The following GATAD2B variants were observed in gnomAD, a reference collection of about 807,000 sequenced individuals.
GATAD2B encodes the protein GATA zinc finger domain containing 2B, also known as transcriptional repressor p66-beta.
GATAD2B carries 8 observed loss-of-function variants against 64.3 expected under a neutral mutation model. The ratio of observed to expected loss-of-function variants is 0.12; its 90% CI spans 0.07 to 0.22. GATAD2B has a LOEUF of 0.22. GATAD2B is among the 10% of genes least tolerant of loss of function. The probability of loss-of-function intolerance (pLI) is 1.00; values close to 1 mark genes in which losing one functional copy is unlikely to be tolerated. For missense variants in GATAD2B, 453 were observed against 752.0 expected (o/e 0.60, Z 4.65); for synonymous variants, 281 against 271.3 (o/e 1.04, Z -0.35).
At chr1:153,857,013 T>G (rs1676104483) in intron 1 of GATAD2B, among the ~76,000 whole-genome samples, 1 of 151,922 alleles carries the variant, frequency 6.6e-6, no homozygotes, top group Non-Finnish European at 1.5e-5. Context: ...CTATTTGCCT[T>G]GGGGAAAAAA....
At chr1:153,913,574 G>A (rs1443867141) in intron 1 of GATAD2B, among the ~76,000 whole-genome samples, 9 of 152,094 alleles carry the variant, frequency 5.9e-5, no homozygotes, top group East Asian at 3.9e-4. Flanking sequence ...ATTTGCCTTC[G>A]AATTCATGGA....
chr1:153,871,023 G>C (rs1271982704), intron 1 of GATAD2B, among the ~76,000 whole-genome samples: 1 of 150,958 alleles, frequency 6.6e-6, no homozygotes, highest in Non-Finnish European at 1.5e-5. Flanking sequence ...CTCAGCCTCT[G>C]GAGTAGCTGG....
intron 1 of GATAD2B, among the ~76,000 whole-genome samples, chr1:153,835,181 A>G (rs1273274602): frequency 6.6e-6 from 1 of 152,122 alleles, no homozygotes; most frequent in East Asian, 1.9e-4. Flanking sequence ...GAGCAAAGAA[A>G]GTGGTTTCTT....
At position 153,809,959 on chromosome 1, in the gene GATAD2B, G is replaced by A. The variant is rs1557777078; in HGVS notation, c.*218C>T. The A allele has an allele frequency of 1.3e-5, 6 of 468,350 alleles. No homozygotes were observed. Among genetic ancestry groups the A allele is most frequent in the Non-Finnish European group, 2.3e-5 (6 of 266,108 alleles). The allele number at this position is 468,350 out of a possible 1,614,324, so 29.0% of individuals were successfully genotyped here. On this transcript the variant is annotated 3_prime_UTR_variant, in exon 11 of 11. Transcript: ENST00000368655. ...GAAAACTGAAGAGAGAAGACAGAGC[G>A]GCAGAAGAACAGATCGCAGCAGTGT...
chr1:153,833,404 A>G (rs1468775682), intron 1 of GATAD2B, among the ~76,000 whole-genome samples: 1 of 152,242 alleles, frequency 6.6e-6, no homozygotes, highest in Non-Finnish European at 1.5e-5. Context: ...CAATGCACCC[A>G]GTCACCAAGA....
chr1:153,876,227 CAAAAAAAAAAAAAAAAA>C (rs71093296), intron 1 of GATAD2B, among the ~76,000 whole-genome samples: 12 of 48,430 alleles, frequency 2.5e-4, no homozygotes, highest in Admixed American at 7.2e-4. Context: ...GACTTCGTCT[CAAAAAAAAAAAAAAAAA>C]AAAAAAAAAA....
chr1:153,908,547 C>T (rs1678017820), intron 1 of GATAD2B, among the ~76,000 whole-genome samples: 1 of 151,296 alleles, frequency 6.6e-6, no homozygotes, highest in Non-Finnish European at 1.5e-5. Flanking sequence ...CGCAATCTTG[C>T]AACCTCCGCC....
At chr1:153,896,057 G>C (rs918631288) in intron 1 of GATAD2B, among the ~76,000 whole-genome samples, 3 of 151,504 alleles carry the variant, frequency 2.0e-5, no homozygotes, top group Admixed American at 6.6e-5. Flanking sequence ...CAGCTCCTCA[G>C]GAGGAAGTGG....
At chr1:153,881,292 G>A (rs968311665) in intron 1 of GATAD2B, among the ~76,000 whole-genome samples, 1 of 152,120 alleles carries the variant, frequency 6.6e-6, no homozygotes, top group Non-Finnish European at 1.5e-5. Flanking sequence ...GGGGAGGCTA[G>A]AACCATCACT....
intron 1 of GATAD2B, among the ~76,000 whole-genome samples, chr1:153,899,294 C>T (rs569983745): frequency 6.6e-6 from 1 of 152,242 alleles, no homozygotes; most frequent in South Asian, 2.1e-4. Context: ...CTTTGCCAGG[C>T]ACACTGGTTC....
At chr1:153,897,785 T>A (rs1009537761) in intron 1 of GATAD2B, among the ~76,000 whole-genome samples, 18 of 152,150 alleles carry the variant, frequency 1.2e-4, no homozygotes, top group African/African-American at 3.1e-4. Context: ...TTTAAAAAAA[T>A]TTTTTTAAAG....
intron 1 of GATAD2B, among the ~76,000 whole-genome samples, chr1:153,830,837 C>T (rs985973906): frequency 3.9e-5 from 6 of 152,104 alleles, no homozygotes; most frequent in African/African-American, 1.4e-4. Context: ...GTGCAAGTGG[C>T]ACAATCATAG....
rs190344021 is a variant in GATAD2B at position 153,850,673 on chromosome 1, A to G, written c.-1-22325T>C. On this transcript the variant is annotated intron_variant, in intron 1 of 10. Transcript: ENST00000368655. ...GGTGGCTCACACCTGTAATCCCAGC[A>G]CTTTGGGAGGCCTACGCAGGCGGAT... is the stretch of plus-strand genomic sequence containing the variant. Among the ~76,000 whole-genome samples, 30 of 152,196 alleles carry G rather than the reference A, an allele frequency of 2.0e-4. 1 individual carries two copies. Among genetic ancestry groups the G allele is most frequent in the African/African-American group, 7.2e-4 (30 of 41,556 alleles).
intron 1 of GATAD2B, among the ~76,000 whole-genome samples, chr1:153,887,493 T>A (rs1020234621): frequency 6.6e-6 from 1 of 152,210 alleles, no homozygotes; most frequent in Non-Finnish European, 1.5e-5. Flanking sequence ...TACACTACCT[T>A]ATAATGCAGA....
chr1:153,816,219 A>G lies in GATAD2B; in HGVS notation c.1216+54T>C, dbSNP rs1405987419. Reference sequence around the variant, plus strand: ...ACCCTCTGATACTCTGCCTATGTCAATCAGGCTTGGCAACCACTTGCTTAA... The same window carrying G: ...ACCCTCTGATACTCTGCCTATGTCAGTCAGGCTTGGCAACCACTTGCTTAA... On this transcript the variant is annotated intron_variant, in intron 7 of 10. Coordinates refer to ENST00000368655, the MANE Select transcript of GATAD2B (RefSeq NM_020699.4). This position sits in a 1 kb window ranked among gnomAD's most constrained non-coding sequence, Gnocchi z 4.9. 1.7e-6 allele frequency: 2 copies of G among 1,199,096 alleles called. No individual in the cohort carries two copies. Among genetic ancestry groups the G allele is most frequent in the South Asian group, 1.3e-5 (1 of 77,352 alleles). 74.3% of individuals were successfully genotyped at this position (1,199,096 alleles called of 1,614,324 possible).
chr1:153,827,245 CAAA>C (rs545259062), intron 2 of GATAD2B, among the ~76,000 whole-genome samples: 3 of 49,344 alleles, frequency 6.1e-5, no homozygotes, highest in Non-Finnish European at 1.2e-4. Context: ...GACCTTGCCT[CAAA>C]AAAAAAAAAA....
chr1:153,854,959 A>T (rs533366325), intron 1 of GATAD2B, among the ~76,000 whole-genome samples: 2 of 151,796 alleles, frequency 1.3e-5, no homozygotes, highest in Non-Finnish European at 2.9e-5. Flanking sequence ...AGTTGATATA[A>T]AAAAAAAGAG....
At chr1:153,873,310 CTCT>C (rs1676725882) in intron 1 of GATAD2B, among the ~76,000 whole-genome samples, 1 of 152,182 alleles carries the variant, frequency 6.6e-6, no homozygotes, top group African/African-American at 2.4e-5. Flanking sequence ...CAGCAAATCT[CTCT>C]TCTTTGTACT....
At chr1:153,883,648 C>A (rs1371737674) in intron 1 of GATAD2B, among the ~76,000 whole-genome samples, 1 of 152,000 alleles carries the variant, frequency 6.6e-6, no homozygotes, top group Non-Finnish European at 1.5e-5. Flanking sequence ...TTTTAACAAC[C>A]CATTCAAAGA....
Sources: allele counts gnomAD v4.1 joint callset (sites outside exome capture counted in the v4.1 genomes callset), GRCh38; gene constraint gnomAD v4.1.1; non-coding constraint Gnocchi (gnomAD v3.1); transcripts MANE v1.5; gene names NCBI Gene and HGNC (gene_info 2026-07-23, HGNC 2026-07-21).